The following RALGPS1 variants were observed in gnomAD, a reference collection of about 807,000 sequenced individuals.
The protein encoded by RALGPS1 is ras-specific guanine nucleotide-releasing factor RalGPS1.
RALGPS1 carries 19 observed loss-of-function variants against 78.8 expected under a neutral mutation model. That is an observed-to-expected ratio of 0.24 (90% CI 0.17 to 0.35). The LOEUF (loss-of-function observed/expected upper bound fraction) is 0.35, where lower values mean the gene tolerates loss of function less well. Among genes scored for constraint, RALGPS1 ranks in the 10% least tolerant of loss-of-function variants. The pLI is 1.00. For missense variants in RALGPS1, 454 were observed against 688.3 expected, an observed-to-expected ratio of 0.66 and a Z score of 3.81; for synonymous variants, 228 against 256.3, an observed-to-expected ratio of 0.89 and a Z score of 1.06.
At chr9:126,966,359 A>G (rs1226094842) in intron 3 of RALGPS1, among the ~76,000 whole-genome samples, 1 of 152,070 alleles carries the variant, frequency 6.6e-6, no homozygotes, top group South Asian at 2.1e-4. Context: ...TCTACAAAAA[A>G]TGGAAATAAA....
chr9:127,195,127 G>A lies in RALGPS1; in HGVS notation c.947G>A (p.Arg316Gln), dbSNP rs937258252. Reference protein sequence around the residue: ...SAGSGSARFSRRPTCPDTSVA... With the variant: ...SAGSGSARFSQRPTCPDTSVA... ...GGCTCCGGTTCTGCGAGGTTCAGCC[G>A]GAGGCCCACCTGTCCTGACACATCT... Residue 316 changes from arginine to glutamine, a missense_variant, in exon 12 of 19, where the codon CGG (arginine) becomes CAG (glutamine). Transcript: ENST00000259351. The A allele has an allele frequency of 7.4e-6, 12 of 1,613,268 alleles. No homozygotes were observed. The highest frequency in any genetic ancestry group is 2.2e-5 in the East Asian group (1 of 44,884).
At chr9:126,955,184 C>A in intron 1 of RALGPS1, among the ~76,000 whole-genome samples, 1 of 152,286 alleles carries the variant, frequency 6.6e-6, no homozygotes, top group East Asian at 1.9e-4. Context: ...AAGTTACCTT[C>A]TTTGTTATGT....
At chr9:127,142,271 C>A (rs886683277) in intron 8 of RALGPS1, among the ~76,000 whole-genome samples, 2 of 152,186 alleles carry the variant, frequency 1.3e-5, no homozygotes, top group Non-Finnish European at 2.9e-5. Context: ...TCTCAGGTTG[C>A]AACAGTAGGA....
intron 8 of RALGPS1, among the ~76,000 whole-genome samples, chr9:127,161,450 G>A (rs1314823975): frequency 1.3e-5 from 2 of 152,214 alleles, no homozygotes; most frequent in African/African-American, 2.4e-5. Flanking sequence ...GGAGAGCCTG[G>A]GTTCCGAGTC....
chr9:127,085,202 A>G (rs1019145631), intron 8 of RALGPS1, among the ~76,000 whole-genome samples: 5 of 152,144 alleles, frequency 3.3e-5, no homozygotes, highest in African/African-American at 9.7e-5. Context: ...CTTGTCACCC[A>G]AGAGACCAAG....
At chr9:126,936,506 G>C (rs1295559321) in intron 1 of RALGPS1, among the ~76,000 whole-genome samples, 1 of 152,138 alleles carries the variant, frequency 6.6e-6, no homozygotes, top group Admixed American at 6.5e-5. Flanking sequence ...GAGGTACTTA[G>C]AGGCAGCAAG....
At chr9:127,078,710 G>C (rs192350606) in intron 8 of RALGPS1, among the ~76,000 whole-genome samples, 1 of 152,332 alleles carries the variant, frequency 6.6e-6, no homozygotes, top group African/African-American at 2.4e-5. Flanking sequence ...AGTTGTGTCT[G>C]ACCCTGCAAA....
rs2062475131 is a variant in RALGPS1, at chr9:127,214,706, TC to T, written c.1553-43del. The T allele has an allele frequency of 1.3e-6, 2 of 1,573,366 alleles. 1 individual carries two copies. The highest frequency in any genetic ancestry group is 3.4e-4 in the Middle Eastern group (2 of 5,936). ...CTTTATGCCAGTCACCAGCTGACCC[TC>T]CTACGTGGCCCTCTTCTTAACTCAT... On this transcript the variant is annotated intron_variant, in intron 17 of 18. Transcript: ENST00000259351.
chr9:127,199,565 T>C (rs1395911425), intron 14 of RALGPS1, among the ~76,000 whole-genome samples: 1 of 152,056 alleles, frequency 6.6e-6, no homozygotes, highest in Non-Finnish European at 1.5e-5. Context: ...CGAGGATCCC[T>C]CTGCCTCCCT....
chr9:127,102,163 C>CA (rs916310849), intron 8 of RALGPS1, among the ~76,000 whole-genome samples: 24 of 152,266 alleles, frequency 1.6e-4, no homozygotes, highest in African/African-American at 5.8e-4. Flanking sequence ...GTATATACTT[C>CA]ATTACTTTTA....
intron 4 of RALGPS1, among the ~76,000 whole-genome samples, chr9:127,013,451 T>TC (rs542462081): frequency 1.1e-3 from 160 of 152,240 alleles, no homozygotes; most frequent in African/African-American, 3.8e-3. Context: ...GCCCACCCAG[T>TC]CAGGCCAGAA....
chr9:127,178,002 A>G, intron 11 of RALGPS1: 3 of 1,536,172 alleles, frequency 2.0e-6, no homozygotes, highest in Non-Finnish European at 2.6e-6. Context: ...TTTAATGAAC[A>G]GAACCAATAA....
intron 4 of RALGPS1, among the ~76,000 whole-genome samples, chr9:126,991,830 G>T (rs931043945): frequency 3.9e-5 from 6 of 152,190 alleles, no homozygotes; most frequent in African/African-American, 1.4e-4. Flanking sequence ...CTCACAAATT[G>T]TTTCTTAATT....
At chr9:127,105,875 T>C (rs1030586506) in intron 8 of RALGPS1, among the ~76,000 whole-genome samples, 1 of 152,216 alleles carries the variant, frequency 6.6e-6, no homozygotes, top group Non-Finnish European at 1.5e-5. Context: ...GACTAGCATG[T>C]AGTAGGGGCT....
intron 4 of RALGPS1, among the ~76,000 whole-genome samples, chr9:126,984,294 C>T (rs1000878583): frequency 2.6e-5 from 4 of 152,024 alleles, no homozygotes; most frequent in South Asian, 2.1e-4. Flanking sequence ...TTTGAAGAGA[C>T]GTATCACTGT....
At chr9:127,090,788 G>A (rs567410048) in intron 8 of RALGPS1, among the ~76,000 whole-genome samples, 170 of 152,344 alleles carry the variant, frequency 1.1e-3, no homozygotes, top group Middle Eastern at 3.4e-3. Flanking sequence ...GGTGGTGCCA[G>A]CCTCAGGGAG....
intron 8 of RALGPS1, among the ~76,000 whole-genome samples, chr9:127,072,043 C>T (rs2050247736): frequency 6.6e-6 from 1 of 152,216 alleles, no homozygotes; most frequent in African/African-American, 2.4e-5. Flanking sequence ...CACACATTTT[C>T]CTATTCTAGA....
chr9:127,018,264 G>A (rs1438126417), intron 4 of RALGPS1, among the ~76,000 whole-genome samples: 1 of 150,976 alleles, frequency 6.6e-6, no homozygotes, highest in Non-Finnish European at 1.5e-5. Flanking sequence ...ACAAAATAAT[G>A]CCTTCTTCCG....
At chr9:127,029,721 T>TG (rs779882002) in intron 4 of RALGPS1, among the ~76,000 whole-genome samples, 1 of 152,228 alleles carries the variant, frequency 6.6e-6, no homozygotes, top group Non-Finnish European at 1.5e-5. Flanking sequence ...CTAGATGCCG[T>TG]GGGGGTCTTC....
Sources: gnomAD v4.1 joint callset for allele counts (sites outside exome capture counted in the v4.1 genomes callset) on GRCh38, gnomAD v4.1.1 for gene constraint, MANE v1.5 for transcripts, NCBI Gene and HGNC (gene_info 2026-07-23, HGNC 2026-07-21) for gene names.